TSPAN2: variants seen among roughly 807,000 people sequenced by gnomAD.
TSPAN2 encodes tetraspanin 2, also known as tetraspanin-2.
In TSPAN2, 24 loss-of-function variants were observed where a neutral mutation model predicts 33.3. That is an observed-to-expected ratio of 0.72 (90% CI 0.52 to 1.01). TSPAN2 has a LOEUF of 1.01. Ranked by LOEUF, TSPAN2 falls within the 50% of genes least tolerant of loss-of-function variation. TSPAN2 has a pLI of 0.00. For synonymous variants in TSPAN2, 114 were observed against 104.5 expected, an observed-to-expected ratio of 1.09 and a Z score of -0.56; for missense variants, 278 against 281.3, an observed-to-expected ratio of 0.99 and a Z score of 0.08.
At chr1:115,065,276 A>G (rs1647908355) in intron 2 of TSPAN2, among the ~76,000 whole-genome samples, 1 of 152,210 alleles carries the variant, frequency 6.6e-6, no homozygotes, top group Non-Finnish European at 1.5e-5. Flanking sequence ...GTGGCTTCCA[A>G]GGATACTTTA....
At position 115,049,599 on chromosome 1, in the gene TSPAN2, T is replaced by C. The variant is rs1443757423; in HGVS notation, c.*891A>G. The C allele has an allele frequency of 6.6e-6, 1 of 152,608 alleles. No homozygotes were observed. Among genetic ancestry groups the C allele is most frequent in the African/African-American group, 2.4e-5 (1 of 41,460 alleles). The allele number at this position is 152,608 out of a possible 1,614,324, so 9.5% of individuals were successfully genotyped here. A position where few individuals can be genotyped will look rare whatever the true frequency, so the allele number is the denominator to read the frequency against. On this transcript the variant is annotated 3_prime_UTR_variant, in exon 8 of 8. Transcript: ENST00000369516. ...ATCTCTTGCTTTAGTCTTTTTTCCT[T>C]ATATTTGGAGAAACAGAAGAGTTTG...
chr1:115,086,798 T>C (rs936788141), intron 1 of TSPAN2, among the ~76,000 whole-genome samples: 4 of 152,240 alleles, frequency 2.6e-5, no homozygotes, highest in Non-Finnish European at 5.9e-5. Context: ...TTTAACAGAA[T>C]GGGTCTCAAA....
intron 1 of TSPAN2, among the ~76,000 whole-genome samples, chr1:115,080,980 A>T (rs1648603880): frequency 6.6e-6 from 1 of 152,250 alleles, no homozygotes; most frequent in Non-Finnish European, 1.5e-5. Context: ...TTTGGAGCAG[A>T]TAAACAATTC....
rs1436585141 is a variant in TSPAN2, at chr1:115,048,214, T to C, written c.*2276A>G. On this transcript the variant is annotated 3_prime_UTR_variant, in exon 8 of 8. Transcript: ENST00000369516. The stretch of plus-strand genomic sequence containing the variant: ...ACACACATCTGTATATACATACATG[T>C]ATATATTCAAATTATATACATATAA... 6.7e-6 allele frequency: 1 copy of C among 150,248 alleles called. No homozygotes were observed. The highest frequency in any genetic ancestry group is 1.5e-5 in the Non-Finnish European group (1 of 67,526). The allele number at this position is 150,248 out of a possible 1,614,324, so 9.3% of individuals were successfully genotyped here.
chr1:115,056,396 C>T (rs1005522864), intron 6 of TSPAN2, among the ~76,000 whole-genome samples: 15 of 152,178 alleles, frequency 9.9e-5, no homozygotes, highest in Non-Finnish European at 1.9e-4. Flanking sequence ...CAGCACGTCA[C>T]CAGTTGGTTC....
At chr1:115,062,814 C>G (rs960642048) in intron 2 of TSPAN2, among the ~76,000 whole-genome samples, 28 of 152,204 alleles carry the variant, frequency 1.8e-4, no homozygotes, top group African/African-American at 6.8e-4. Context: ...TGGGGAACCC[C>G]TGGGCCTGGC....
intron 1 of TSPAN2, among the ~76,000 whole-genome samples, chr1:115,081,134 A>G (rs2101047116): frequency 6.6e-6 from 1 of 152,362 alleles, no homozygotes; most frequent in Middle Eastern, 3.4e-3. Context: ...GCATGGGTGG[A>G]ATCTAGCAGA....
chr1:115,058,819 G>A, intron 5 of TSPAN2, 64 bp downstream of exon 5: 3 of 1,329,976 alleles, frequency 2.3e-6, no homozygotes, highest in Non-Finnish European at 3.2e-6. Context: ...GGTGATTGGT[G>A]AGAACCTGGC....
chr1:115,070,710 T>C (rs1275267491), intron 2 of TSPAN2, among the ~76,000 whole-genome samples: 2 of 152,130 alleles, frequency 1.3e-5, no homozygotes, highest in East Asian at 3.9e-4. Context: ...GATTACAGCC[T>C]GGTCTTTAAA....
In TSPAN2 at chr1:115,050,222, A is replaced by T; in HGVS notation, c.*268T>A. 1 of 420,610 alleles carries T rather than the reference A, an allele frequency of 2.4e-6. No homozygotes were observed. The highest frequency in any genetic ancestry group is 4.2e-6 in the Non-Finnish European group (1 of 236,340). 26.1% of individuals were successfully genotyped at this position (420,610 alleles called of 1,614,324 possible). On this transcript the variant is annotated 3_prime_UTR_variant, in exon 8 of 8. Coordinates refer to ENST00000369516, the MANE Select transcript of TSPAN2 (RefSeq NM_005725.6). The stretch of plus-strand genomic sequence containing the variant: ...TCTTCTTATATAACAAGAATCAGGA[A>T]TTCCCAGCAAACAGATTTCATTACG...
At chr1:115,063,208 A>G (rs1278512044) in intron 2 of TSPAN2, among the ~76,000 whole-genome samples, 2 of 152,226 alleles carry the variant, frequency 1.3e-5, no homozygotes, top group Non-Finnish European at 2.9e-5. Context: ...TCTGTAAGGA[A>G]CTTAAACAAA....
In TSPAN2 at chr1:115,049,337, A is replaced by G. The variant is rs1417077616; in HGVS notation, c.*1153T>C. 6.6e-6 allele frequency: 1 copy of G among 152,586 alleles called. No individual in the cohort carries two copies. Among genetic ancestry groups the G allele is most frequent in the Non-Finnish European group, 1.5e-5 (1 of 68,010 alleles). 9.5% of individuals were successfully genotyped at this position (152,586 alleles called of 1,614,324 possible). On this transcript the variant is annotated 3_prime_UTR_variant, in exon 8 of 8. Transcript: ENST00000369516. Reference sequence around the variant, plus strand: ...TTTCTGTTGCCCACACACAACTAGGAGAAGATGCTTTTCTTTATTTTGGTT... The same window carrying G: ...TTTCTGTTGCCCACACACAACTAGGGGAAGATGCTTTTCTTTATTTTGGTT...
chr1:115,059,444 A>C (rs912166250), intron 4 of TSPAN2, among the ~76,000 whole-genome samples: 1 of 152,222 alleles, frequency 6.6e-6, no homozygotes, highest in East Asian at 1.9e-4. Context: ...CCCAAGCCCA[A>C]CTGGGCTTCA....
At chr1:115,084,971 A>G (rs1436066534) in intron 1 of TSPAN2, among the ~76,000 whole-genome samples, 2 of 152,244 alleles carry the variant, frequency 1.3e-5, no homozygotes, top group Non-Finnish European at 2.9e-5. Context: ...GTGGGTCAGT[A>G]ACGCTGAGCA....
At chr1:115,072,861 C>T (rs1352996602) in intron 2 of TSPAN2, 44 bp downstream of exon 2, 1 of 1,474,338 alleles carries the variant, frequency 6.8e-7, no homozygotes, top group East Asian at 2.3e-5. Context: ...TTTGCACAGC[C>T]CCATCTACTC....
At chr1:115,080,044 C>T (rs986499878) in intron 1 of TSPAN2, among the ~76,000 whole-genome samples, 17 of 152,276 alleles carry the variant, frequency 1.1e-4, no homozygotes, top group Middle Eastern at 3.4e-3. Flanking sequence ...ATGGGTCAAC[C>T]AACATTGCTG....
chr1:115,080,508 C>T (rs12409377), intron 1 of TSPAN2, among the ~76,000 whole-genome samples: 17,826 of 152,186 alleles, frequency 0.12, 1,169 homozygotes, highest in East Asian at 0.21. Context: ...CTCCCGGGCA[C>T]AAGTGATCCT....
At chr1:115,077,482 G>A (rs1334192985) in intron 1 of TSPAN2, among the ~76,000 whole-genome samples, 1 of 152,164 alleles carries the variant, frequency 6.6e-6, no homozygotes, top group Admixed American at 6.5e-5. Flanking sequence ...CAGAGAGTTT[G>A]GAGGACACGA....
At chr1:115,051,753 G>A (rs564520758) in intron 7 of TSPAN2, among the ~76,000 whole-genome samples, 2 of 152,162 alleles carry the variant, frequency 1.3e-5, no homozygotes, top group Non-Finnish European at 1.5e-5. Context: ...AGCAGGTAAG[G>A]GCATGGCCAG....
Sources: allele counts gnomAD v4.1 joint callset (sites outside exome capture counted in the v4.1 genomes callset), GRCh38; gene constraint gnomAD v4.1.1; transcripts MANE v1.5; gene names NCBI Gene and HGNC (gene_info 2026-07-23, HGNC 2026-07-21).